Variants in ANKFN1 observed in about 807,000 individuals in gnomAD.
ANKFN1 encodes ankyrin repeat and fibronectin type-III domain-containing protein 1.
In ANKFN1, 74 loss-of-function variants were observed where a neutral mutation model predicts 108.7. That is an observed-to-expected ratio of 0.68 (90% CI 0.56 to 0.83). The LOEUF (loss-of-function observed/expected upper bound fraction) is 0.83. ANKFN1 is among the 40% of genes least tolerant of loss of function. The probability of loss-of-function intolerance (pLI) is 0.00; values close to 1 mark genes in which losing one functional copy is unlikely to be tolerated. For missense variants in ANKFN1, 1,505 were observed against 1,382.3 expected (o/e 1.09, Z -1.41); for synonymous variants, 547 against 516.2 (o/e 1.06, Z -0.81).
intron 14 of ANKFN1, among the ~76,000 whole-genome samples, chr17:56,463,000 G>A (rs1047894050): frequency 3.3e-5 from 5 of 152,034 alleles, no homozygotes; most frequent in Admixed American, 3.3e-4. Flanking sequence ...TCCAAGTCAG[G>A]GGACCTACCT....
intron 3 of ANKFN1, among the ~76,000 whole-genome samples, chr17:56,318,216 TA>T (rs1439776457): frequency 1.3e-5 from 2 of 152,028 alleles, no homozygotes; most frequent in African/African-American, 4.8e-5. Flanking sequence ...GCCAAGGATG[TA>T]AAAATAGATA....
Position 56,353,957 on chromosome 17 carries a change from G to C in ANKFN1, c.512G>C (p.Gly171Ala). ...GACCTCAACACACCTAACAGCGAGG[G>C]CTTGACACCCCTGGATATTGCCATC... is the stretch of plus-strand genomic sequence containing the variant. ...ELDLNTPNSE[G>A]LTPLDIAIMT... The change falls in exon 6 of 21, where the codon GGC becomes GCC. Residue 171 changes from glycine (G) to alanine (A), a missense_variant. By Grantham distance (60) the Gly-to-Ala change is moderately conservative (BLOSUM62 0). Coordinates refer to ENST00000682825, the MANE Select transcript of ANKFN1 (RefSeq NM_001370326.1). The C allele has an allele frequency of 6.2e-7, 1 of 1,613,992 alleles. No homozygotes were observed. The highest frequency in any genetic ancestry group is 8.5e-7 in the Non-Finnish European group (1 of 1,179,956).
chr17:56,337,774 G>A (rs1005476147), intron 4 of ANKFN1, among the ~76,000 whole-genome samples: 6 of 152,158 alleles, frequency 3.9e-5, no homozygotes, highest in African/African-American at 1.4e-4. Context: ...ACACCAGTTA[G>A]AATGGCGATC....
chr17:56,314,733 T>C (rs1439778541), intron 3 of ANKFN1, among the ~76,000 whole-genome samples: 1 of 152,186 alleles, frequency 6.6e-6, no homozygotes, highest in Non-Finnish European at 1.5e-5. Flanking sequence ...TCCAATATAT[T>C]GGACTTTTTC....
At chr17:56,469,783 C>CT (rs112767954) in intron 15 of ANKFN1, among the ~76,000 whole-genome samples, 98,995 of 149,498 alleles carry the variant, frequency 0.66, 33,042 homozygotes, top group East Asian at 0.86. Context: ...AATTTTTTTT[C>CT]TTTTTATTTT....
chr17:56,059,866 G>A (rs1310415327), intron 4 of ANKFN1, among the ~76,000 whole-genome samples: 3 of 152,148 alleles, frequency 2.0e-5, no homozygotes, highest in South Asian at 2.1e-4. Flanking sequence ...GTAGCATGAT[G>A]CCTCCAGCTT....
At chr17:56,315,602 C>T (rs2045180575) in intron 3 of ANKFN1, among the ~76,000 whole-genome samples, 2 of 152,316 alleles carry the variant, frequency 1.3e-5, no homozygotes, top group South Asian at 4.1e-4. Context: ...CTTTGCTGTG[C>T]TGCAAGGTGC....
chr17:56,297,438 G>T (rs948437060), intron 3 of ANKFN1, among the ~76,000 whole-genome samples: 1 of 152,176 alleles, frequency 6.6e-6, no homozygotes, highest in Non-Finnish European at 1.5e-5. Context: ...TGCTCACCAA[G>T]AGCTTCAAAG....
At chr17:56,170,084 A>C (rs991024556) in intron 1 of ANKFN1, among the ~76,000 whole-genome samples, 18 of 152,186 alleles carry the variant, frequency 1.2e-4, no homozygotes, top group African/African-American at 4.3e-4. Context: ...CCTTGTTCTA[A>C]GACTGAGGGA....
chr17:56,285,390 C>G (rs551517825), intron 3 of ANKFN1, among the ~76,000 whole-genome samples: 3 of 152,310 alleles, frequency 2.0e-5, no homozygotes, highest in African/African-American at 7.2e-5. Flanking sequence ...CTTCCTTCTA[C>G]TCCTTTTCTT....
intron 15 of ANKFN1, among the ~76,000 whole-genome samples, chr17:56,474,404 T>G (rs1218274161): frequency 6.6e-6 from 1 of 152,244 alleles, no homozygotes; most frequent in Non-Finnish European, 1.5e-5. Context: ...TGATTTGCTC[T>G]CACAGAACCA....
intron 1 of ANKFN1, among the ~76,000 whole-genome samples, chr17:56,179,990 T>A (rs1430064512): frequency 6.6e-6 from 1 of 152,192 alleles, no homozygotes; most frequent in African/African-American, 2.4e-5. Flanking sequence ...CGATAAATAC[T>A]TTTGTATGAC....
intron 3 of ANKFN1, among the ~76,000 whole-genome samples, chr17:56,254,640 C>A (rs1045655804): frequency 2.0e-5 from 3 of 152,212 alleles, no homozygotes; most frequent in African/African-American, 7.2e-5. Flanking sequence ...AGATTCTCAA[C>A]CCCTAGTGCA....
chr17:56,239,469 G>A (rs1917418893), intron 3 of ANKFN1, among the ~76,000 whole-genome samples: 1 of 152,166 alleles, frequency 6.6e-6, no homozygotes, highest in Non-Finnish European at 1.5e-5. Flanking sequence ...AACATTGTAT[G>A]CATGTATCAA....
chr17:56,306,477 A>G (rs138951667), intron 3 of ANKFN1, among the ~76,000 whole-genome samples: 4,686 of 152,308 alleles, frequency 0.031, 284 homozygotes, highest in African/African-American at 0.11. Context: ...CCCACTCGCA[A>G]TTGCTTCAAA....
At chr17:56,121,318 T>G (rs750406727) in intron 4 of ANKFN1, among the ~76,000 whole-genome samples, 2 of 152,148 alleles carry the variant, frequency 1.3e-5, no homozygotes, top group African/African-American at 2.4e-5. Context: ...GTTGAACGTC[T>G]TTCAGAGAAT....
At chr17:56,209,128 A>G (rs933370609) in intron 1 of ANKFN1, among the ~76,000 whole-genome samples, 2 of 152,124 alleles carry the variant, frequency 1.3e-5, no homozygotes, top group Admixed American at 1.3e-4. Flanking sequence ...TCTTCCATTC[A>G]TCAAAGCATC....
chr17:56,510,352 A>G, intron 20 of ANKFN1, 121 bp from the exon 21 acceptor site: 1 of 820,858 alleles, frequency 1.2e-6, no homozygotes, highest in Non-Finnish European at 1.9e-6. Flanking sequence ...AGGTGACAGC[A>G]GGGCATTAAA....
rs527877942 is a variant in ANKFN1, at chr17:56,403,978, G to A, written c.910+29264G>A. Among the ~76,000 whole-genome samples the A allele has an allele frequency of 9.2e-5, 14 of 152,204 alleles. No homozygotes were observed. The East Asian group carries it at 1.4e-3, about 15-fold the overall frequency. On this transcript the variant is annotated intron_variant, in intron 8 of 20. Transcript: ENST00000682825. ...GTTGATAATTGTTTTGCTTGAGAAGGCTGAAGATAGGGCCCCTATTCCTTC... is the reference window on the plus strand; with the variant it reads ...GTTGATAATTGTTTTGCTTGAGAAGACTGAAGATAGGGCCCCTATTCCTTC...
Sources: allele counts gnomAD v4.1 joint callset (sites outside exome capture counted in the v4.1 genomes callset), GRCh38; gene constraint gnomAD v4.1.1; transcripts MANE v1.5; gene names NCBI Gene and HGNC (gene_info 2026-07-23, HGNC 2026-07-21).